SLC16A12: variants seen among roughly 807,000 people sequenced by gnomAD.
SLC16A12 encodes monocarboxylate transporter 12.
In SLC16A12, 17 loss-of-function variants were observed where a neutral mutation model predicts 42.4. That is an observed-to-expected ratio of 0.40 (90% CI 0.27 to 0.60). SLC16A12 has a LOEUF of 0.60. Among genes scored for constraint, SLC16A12 ranks in the 20% least tolerant of loss-of-function variants. The pLI, the probability that SLC16A12 is intolerant of heterozygous loss-of-function variation, is 0.42. For synonymous variants in SLC16A12, 224 were observed against 229.4 expected (o/e 0.98, Z 0.21); for missense variants, 544 against 623.0 (o/e 0.87, Z 1.35).
intron 2 of SLC16A12, among the ~76,000 whole-genome samples, chr10:89,483,080 T>A (rs1842691851): frequency 6.6e-6 from 1 of 151,962 alleles, no homozygotes; most frequent in Admixed American, 6.6e-5. Context: ...TGGGGACAGC[T>A]CCCTTCCTGG....
At chr10:89,458,659 T>C (rs1449178657) in intron 3 of SLC16A12, among the ~76,000 whole-genome samples, 1 of 152,224 alleles carries the variant, frequency 6.6e-6, no homozygotes, top group Non-Finnish European at 1.5e-5. Context: ...AAATTGCCTT[T>C]ACTGTTCACA....
chr10:89,460,869 C>T (rs1842288310), intron 3 of SLC16A12, among the ~76,000 whole-genome samples: 1 of 151,736 alleles, frequency 6.6e-6, no homozygotes, highest in Non-Finnish European at 1.5e-5. Flanking sequence ...AGTGTAAAAT[C>T]ACTCAGCATC....
chr10:89,468,851 C>A (rs12268958), intron 2 of SLC16A12, among the ~76,000 whole-genome samples: 2 of 152,030 alleles, frequency 1.3e-5, no homozygotes, highest in Admixed American at 1.3e-4. Context: ...GTATTGCAGC[C>A]GGGCACAATG....
intron 2 of SLC16A12, among the ~76,000 whole-genome samples, chr10:89,504,101 G>A (rs1843025782): frequency 6.6e-6 from 1 of 151,876 alleles, no homozygotes; most frequent in Non-Finnish European, 1.5e-5. Context: ...CTCAAAATTA[G>A]TCATCAGATT....
At chr10:89,495,751 A>C (rs1336112185) in intron 2 of SLC16A12, among the ~76,000 whole-genome samples, 2 of 152,218 alleles carry the variant, frequency 1.3e-5, no homozygotes, top group Non-Finnish European at 2.9e-5. Flanking sequence ...GTACAGTACC[A>C]GTTGTTTACC....
chr10:89,475,706 C>T (rs1253299833), intron 2 of SLC16A12, among the ~76,000 whole-genome samples: 1 of 152,164 alleles, frequency 6.6e-6, no homozygotes, highest in Non-Finnish European at 1.5e-5. Flanking sequence ...AACTGAAACA[C>T]TGACCTTTGC....
chr10:89,509,428 G>T (rs1046351170), intron 2 of SLC16A12, among the ~76,000 whole-genome samples: 3 of 151,978 alleles, frequency 2.0e-5, no homozygotes, highest in Non-Finnish European at 4.4e-5. Flanking sequence ...TGGATGCAAG[G>T]CTGGTTCAAC....
In SLC16A12 at chr10:89,430,876, A is replaced by G. The variant is rs1841683639; in HGVS notation, c.*2188T>C. The G allele has an allele frequency of 2.8e-6, 1 of 354,258 alleles. No homozygotes were observed. Among genetic ancestry groups the G allele is most frequent in the African/African-American group, 2.2e-5 (1 of 46,098 alleles). The allele number at this position is 354,258 out of a possible 1,614,324, so 21.9% of individuals were successfully genotyped here. A position where few individuals can be genotyped will look rare whatever the true frequency, so the allele number is the denominator to read the frequency against. On this transcript the variant is annotated 3_prime_UTR_variant, in exon 8 of 8. Coordinates refer to ENST00000371790, the MANE Select transcript of SLC16A12 (RefSeq NM_213606.4). ...CATGATAAAAAATATGTATAAGAATATTTGTAACTATTCATATTTTTAAAC... is the reference window on the plus strand; with the variant it reads ...CATGATAAAAAATATGTATAAGAATGTTTGTAACTATTCATATTTTTAAAC...
Position 89,432,978 on chromosome 10 carries a change from G to T in SLC16A12, c.*86C>A. The T allele has an allele frequency of 6.5e-7, 1 of 1,549,712 alleles. No individual in the cohort carries two copies. Among genetic ancestry groups the T allele is most frequent in the South Asian group, 1.2e-5 (1 of 83,056 alleles). On this transcript the variant is annotated 3_prime_UTR_variant, in exon 8 of 8. Coordinates refer to ENST00000371790, the MANE Select transcript of SLC16A12 (RefSeq NM_213606.4). ...AATTTCCTTGGAAGGCAATCCTTCT[G>T]CCAAAATAAAAAGTTTCAGAAACAT...
chr10:89,504,532 C>G (rs10509574), intron 2 of SLC16A12, among the ~76,000 whole-genome samples: 7,438 of 152,120 alleles, frequency 0.049, 369 homozygotes, highest in African/African-American at 0.12. Context: ...TCCGCTTTTT[C>G]CAAGTTGGTA....
In SLC16A12 at chr10:89,485,495, G is replaced by A. The variant is rs79079720; in HGVS notation, c.-46-22871C>T. 4.6e-5 allele frequency among the ~76,000 whole-genome samples: 7 copies of A among 152,212 alleles called. No homozygotes were observed. The East Asian group carries it at 5.8e-4, about 13-fold the overall frequency. ...GTCCTTTATGGCCAATGTTCTTCAC[G>A]TCCACTTACCATTCCACAAAAGTTC... On this transcript the variant is annotated intron_variant, in intron 2 of 7. Transcript: ENST00000371790.
intron 2 of SLC16A12, among the ~76,000 whole-genome samples, chr10:89,508,141 C>A (rs1363527609): frequency 1.3e-5 from 2 of 152,130 alleles, no homozygotes; most frequent in South Asian, 2.1e-4. Flanking sequence ...GACTTTAACA[C>A]CCCACTATCA....
intron 2 of SLC16A12, among the ~76,000 whole-genome samples, chr10:89,468,321 C>T (rs1282842390): frequency 6.6e-6 from 1 of 152,186 alleles, no homozygotes; most frequent in East Asian, 1.9e-4. Flanking sequence ...CGCACTCGAT[C>T]CTCACCATCC....
At position 89,488,661 on chromosome 10, in the gene SLC16A12, C is replaced by A. The variant is rs769459198; in HGVS notation, c.-46-26037G>T. On this transcript the variant is annotated intron_variant, in intron 2 of 7. Transcript: ENST00000371790. ...AACTGACAATAGTAACAGTTTCCCA[C>A]CAAATGATGCCTTAGAAATCTGTAG... is the stretch of plus-strand genomic sequence containing the variant. Among the ~76,000 whole-genome samples the A allele has an allele frequency of 3.9e-5, 6 of 152,182 alleles. 1 individual carries two copies. Among genetic ancestry groups the A allele is most frequent in the Admixed American group, 2.0e-4 (3 of 15,278 alleles).
chr10:89,503,916 G>A (rs1361984292), intron 2 of SLC16A12, among the ~76,000 whole-genome samples: 1 of 152,146 alleles, frequency 6.6e-6, no homozygotes, highest in Non-Finnish European at 1.5e-5. Context: ...AAACCCCAGG[G>A]TATCAAATGC....
intron 2 of SLC16A12, among the ~76,000 whole-genome samples, chr10:89,493,542 A>C (rs947502356): frequency 6.6e-6 from 1 of 152,142 alleles, no homozygotes; most frequent in Non-Finnish European, 1.5e-5. Flanking sequence ...CTTGCACCCT[A>C]AAGTCCTACT....
upstream of SLC16A12, among the ~76,000 whole-genome samples, chr10:89,538,000 G>A (rs1843691577): frequency 6.6e-6 from 1 of 152,242 alleles, no homozygotes; most frequent in African/African-American, 2.4e-5. Flanking sequence ...AATGCGTATA[G>A]GCAGTGCCGG....
intron 2 of SLC16A12, among the ~76,000 whole-genome samples, chr10:89,481,643 TTGTGTGTGTG>T (rs66954717): frequency 2.1e-5 from 3 of 144,020 alleles, no homozygotes; most frequent in African/African-American, 7.7e-5. Flanking sequence ...TTTTTTTTTC[TTGTGTGTGTG>T]TGTGTGTGTG....
At chr10:89,553,534 G>C (rs36118983) in intron 2 of SLC16A12, among the ~76,000 whole-genome samples, 2,212 of 151,800 alleles carry the variant, frequency 0.015, 31 homozygotes, top group Non-Finnish European at 0.023. Flanking sequence ...GTAGCTACTT[G>C]ATGACTCAAT....
Sources: gnomAD v4.1 joint callset for allele counts (sites outside exome capture counted in the v4.1 genomes callset) on GRCh38, gnomAD v4.1.1 for gene constraint, MANE v1.5 for transcripts, NCBI Gene and HGNC (gene_info 2026-07-23, HGNC 2026-07-21) for gene names.